The following LIMCH1 variants were observed in gnomAD, a reference collection of about 807,000 sequenced individuals.
LIMCH1 encodes the protein LIM and calponin homology domains-containing protein 1.
A neutral mutation model predicts 176.5 loss-of-function variants in LIMCH1; 113 were observed. That is an observed-to-expected ratio of 0.64 (90% confidence interval 0.55 to 0.75). The LOEUF (loss-of-function observed/expected upper bound fraction) is 0.75, where lower values mean the gene tolerates loss of function less well. Among genes scored for constraint, LIMCH1 ranks in the 30% least tolerant of loss-of-function variants. The pLI is 0.00. For synonymous variants in LIMCH1, 619 were observed against 645.9 expected (o/e 0.96, Z 0.63); for missense variants, 1,674 against 1,814.9 (o/e 0.92, Z 1.41).
intron 1 of LIMCH1, among the ~76,000 whole-genome samples, chr4:41,402,588 A>G (rs1210215849): frequency 1.5e-5 from 2 of 133,638 alleles, no homozygotes; most frequent in Non-Finnish European, 3.1e-5. Context: ...AATGTACAAC[A>G]ATGATAGACT....
chr4:41,556,773 C>T (rs2081328527), intron 1 of LIMCH1, among the ~76,000 whole-genome samples: 1 of 152,132 alleles, frequency 6.6e-6, no homozygotes, highest in South Asian at 2.1e-4. Flanking sequence ...TTGATAAAAA[C>T]AAACTGGGAA....
At chr4:41,630,612 A>G (rs1434126215) in intron 9 of LIMCH1, among the ~76,000 whole-genome samples, 2 of 152,220 alleles carry the variant, frequency 1.3e-5, no homozygotes, top group Non-Finnish European at 2.9e-5. Flanking sequence ...TCTAGGCAAG[A>G]CAATGATCAT....
chr4:41,658,966 T>C (rs2152970868), intron 18 of LIMCH1, among the ~76,000 whole-genome samples: 1 of 152,332 alleles, frequency 6.6e-6, no homozygotes, highest in Admixed American at 6.5e-5. Flanking sequence ...TTTCTGCCAG[T>C]ATTTTCTATA....
intron 1 of LIMCH1, among the ~76,000 whole-genome samples, chr4:41,594,629 T>A (rs2088360395): frequency 6.6e-6 from 1 of 152,190 alleles, no homozygotes; most frequent in African/African-American, 2.4e-5. Flanking sequence ...GCCTAGGGCC[T>A]GGCTCCCCTC....
chr4:41,694,044 C>T (rs879391683), intron 31 of LIMCH1, among the ~76,000 whole-genome samples: 7 of 152,056 alleles, frequency 4.6e-5, no homozygotes, highest in Non-Finnish European at 1.0e-4. Flanking sequence ...CTTAAATATA[C>T]AAATATAAAG....
chr4:41,680,912 T>A (rs1278477890), intron 24 of LIMCH1, 43 bp from the exon 25 acceptor site: 6 of 1,126,456 alleles, frequency 5.3e-6, no homozygotes, highest in Non-Finnish European at 8.0e-6. Flanking sequence ...CAAATATGAT[T>A]TTTATTTTCC....
At position 41,644,660 on chromosome 4, in the gene LIMCH1, A is replaced by T. The variant is rs199982886; in HGVS notation, c.2253+34A>T. Reference sequence around the variant, plus strand: ...TGGCCAAGGCGCGCGGGCAGCGGGGAGGCTTCTGGCAGCAGAAAATCCAGC... The same window carrying T: ...TGGCCAAGGCGCGCGGGCAGCGGGGTGGCTTCTGGCAGCAGAAAATCCAGC... On this transcript the variant is annotated intron_variant, in intron 15 of 31. Coordinates refer to ENST00000503057, the MANE Select transcript of LIMCH1 (RefSeq NM_001330672.2). 19 of 1,585,396 alleles carry T rather than the reference A, an allele frequency of 1.2e-5. No individual in the cohort carries two copies. The East Asian group carries it at 3.7e-4, about 31-fold the overall frequency.
chr4:41,619,249 T>C lies in LIMCH1; in HGVS notation c.267T>C (p.Asp89=). 1 of 1,614,172 alleles carries C rather than the reference T, an allele frequency of 6.2e-7. No homozygotes were observed. Among genetic ancestry groups the C allele is most frequent in the South Asian group, 1.1e-5 (1 of 91,076 alleles). ...PHRKLPDVKK[D]DMSARRTSHG... ...GGAAGCTGCCAGATGTGAAGAAGGA[T>C]GACATGTCTGCACGGCGGACTTCCC... is the stretch of plus-strand genomic sequence containing the variant. The change falls in exon 6 of 32, where the codon GAT becomes GAC. Residue 89 remains aspartate (D), a synonymous_variant. Coordinates refer to ENST00000503057, the MANE Select transcript of LIMCH1 (RefSeq NM_001330672.2).
intron 1 of LIMCH1, among the ~76,000 whole-genome samples, chr4:41,567,990 T>TA (rs1242053930): frequency 6.6e-6 from 1 of 152,072 alleles, no homozygotes; most frequent in Non-Finnish European, 1.5e-5. Context: ...CCGGCTCTAC[T>TA]AAAAATACAA....
chr4:41,624,961 C>T (rs2092843208), intron 7 of LIMCH1, among the ~76,000 whole-genome samples: 1 of 152,120 alleles, frequency 6.6e-6, no homozygotes, highest in African/African-American at 2.4e-5. Context: ...TTTCTCGTTT[C>T]ACATTGCCAC....
intron 1 of LIMCH1, among the ~76,000 whole-genome samples, chr4:41,491,217 G>A (rs1350409059): frequency 3.5e-5 from 5 of 142,796 alleles, no homozygotes; most frequent in African/African-American, 1.3e-4. Context: ...AGGCAGAGGC[G>A]CCCCCAACTT....
intron 1 of LIMCH1, among the ~76,000 whole-genome samples, chr4:41,450,663 C>T (rs564946727): frequency 2.0e-5 from 3 of 151,696 alleles, no homozygotes; most frequent in East Asian, 1.9e-4. Context: ...GGCATGGTGG[C>T]GAGCAACTGT....
chr4:41,387,910 G>C (rs987019925), intron 1 of LIMCH1, among the ~76,000 whole-genome samples: 11 of 152,192 alleles, frequency 7.2e-5, no homozygotes, highest in African/African-American at 2.2e-4. Flanking sequence ...AGGAGTTTGA[G>C]ACCAGCCTGG....
chr4:41,588,244 A>T (rs1460085034), intron 1 of LIMCH1, among the ~76,000 whole-genome samples: 2 of 152,232 alleles, frequency 1.3e-5, no homozygotes, highest in African/African-American at 4.8e-5. Flanking sequence ...TTTTTAAAAA[A>T]TAATTTTTAG....
chr4:41,611,144 G>T (rs1199991107), intron 4 of LIMCH1, among the ~76,000 whole-genome samples: 2 of 152,150 alleles, frequency 1.3e-5, no homozygotes, highest in African/African-American at 2.4e-5. Context: ...TTTACTGTAT[G>T]TTTTCTATGT....
In LIMCH1 at chr4:41,673,721, A is replaced by G. The variant is rs184577904; in HGVS notation, c.3438+2127A>G. ...TTCAACAAACATTTGTTGAGGGCCT[A>G]AAAATATAAGGTCTTGGGGTAGATA... On this transcript the variant is annotated intron_variant, in intron 22 of 31. Coordinates refer to ENST00000503057, the MANE Select transcript of LIMCH1 (RefSeq NM_001330672.2). 4.8e-3 allele frequency among the ~76,000 whole-genome samples: 726 copies of G among 152,280 alleles called. 1 individual carries two copies. Among genetic ancestry groups the G allele is most frequent in the Non-Finnish European group, 8.4e-3 (568 of 68,012 alleles).
chr4:41,642,998 C>T (rs1024113907), intron 14 of LIMCH1, among the ~76,000 whole-genome samples: 1 of 152,214 alleles, frequency 6.6e-6, no homozygotes, highest in Non-Finnish European at 1.5e-5. Context: ...GCTAAGAGTC[C>T]TTCTGTGCAG....
chr4:41,459,726 A>G (rs535049979), intron 1 of LIMCH1, among the ~76,000 whole-genome samples: 2 of 152,250 alleles, frequency 1.3e-5, no homozygotes, highest in South Asian at 2.1e-4. Flanking sequence ...AGAAGCTACC[A>G]CTAACTACTC....
chr4:41,504,623 A>G (rs1056758886), intron 2 of LIMCH1, among the ~76,000 whole-genome samples: 5 of 152,208 alleles, frequency 3.3e-5, no homozygotes, highest in African/African-American at 2.4e-5. Flanking sequence ...TAGCTTGCGC[A>G]TAGAGAAATG....
Sources: allele counts gnomAD v4.1 joint callset (sites outside exome capture counted in the v4.1 genomes callset), GRCh38; gene constraint gnomAD v4.1.1; transcripts MANE v1.5; gene names NCBI Gene and HGNC (gene_info 2026-07-23, HGNC 2026-07-21).